The following KAT6A variants were observed in gnomAD, a reference collection of about 807,000 sequenced individuals.
The protein encoded by KAT6A is histone acetyltransferase KAT6A.
A neutral mutation model predicts 198.4 loss-of-function variants in KAT6A; 9 were observed. The observed-to-expected ratio is 0.05, with a 90% CI of 0.03 to 0.08. The LOEUF is 0.08. KAT6A is among the 10% of genes least tolerant of loss of function. KAT6A has a pLI of 1.00. For synonymous variants in KAT6A, 890 were observed against 883.0 expected, an observed-to-expected ratio of 1.01 and a Z score of -0.14; for missense variants, 2,077 against 2,509.9, an observed-to-expected ratio of 0.83 and a Z score of 3.69.
At chr8:41,946,124 C>G (rs1822372967) in intron 12 of KAT6A, among the ~76,000 whole-genome samples, 1 of 151,976 alleles carries the variant, frequency 6.6e-6, no homozygotes, top group Admixed American at 6.6e-5. Context: ...GAGACAGAGT[C>G]TTGCTCTGTG....
At position 41,941,040 on chromosome 8, in the gene KAT6A, C is replaced by A. The variant is rs1314331820; in HGVS notation, c.2841G>T (p.Trp947Cys). The A allele has an allele frequency of 8.7e-6, 14 of 1,614,146 alleles. No homozygotes were observed. The highest frequency in any genetic ancestry group is 1.1e-5 in the Non-Finnish European group (13 of 1,180,028). ...KRRLSEGVEP[W>C]RGQLKKSPEA... ...CAGGGCTTTTCTTGAGCTGTCCTCGCCAGGGCTCAACCCCCTCACTGAGTC... is the reference window on the plus strand; with the variant it reads ...CAGGGCTTTTCTTGAGCTGTCCTCGACAGGGCTCAACCCCCTCACTGAGTC... The change falls in exon 15 of 17, where the codon TGG becomes TGT. Residue 947 changes from tryptophan to cysteine, a missense_variant. Around this residue, in one of 13 missense-constraint regions of KAT6A, gnomAD observed 301 missense variants for 272.2 expected, o/e 1.11. Transcript: ENST00000265713.
chr8:41,998,625 A>T (rs1291574067), intron 2 of KAT6A, among the ~76,000 whole-genome samples: 2 of 152,234 alleles, frequency 1.3e-5, no homozygotes, highest in South Asian at 4.1e-4. Context: ...GCGTTTGTTG[A>T]AATTAAAATG....
At chr8:41,958,625 T>C (rs1587742127) in intron 8 of KAT6A, among the ~76,000 whole-genome samples, 1 of 152,314 alleles carries the variant, frequency 6.6e-6, no homozygotes, top group East Asian at 1.9e-4. Context: ...GTTTTGGAAT[T>C]CTGAATTTTT....
intron 4 of KAT6A, 136 bp from the exon 5 acceptor site, chr8:41,981,063 T>C (rs1824331496): frequency 1.5e-6 from 1 of 655,288 alleles, no homozygotes; most frequent in Non-Finnish European, 2.7e-6. Flanking sequence ...CTCACGCCTG[T>C]AATCCCAACA....
chr8:41,966,475 G>T (rs76164429), intron 8 of KAT6A, among the ~76,000 whole-genome samples: 2 of 151,910 alleles, frequency 1.3e-5, no homozygotes, highest in Non-Finnish European at 2.9e-5. Context: ...ATCTTGGAGC[G>T]TATCACTGGT....
At position 41,942,771 on chromosome 8, in the gene KAT6A, T is replaced by G. The variant is rs778628643; in HGVS notation, c.2436+22A>C. ...AAAATATATCTTCTGTCATCAAAAA[T>G]AGAGACTATTCATGCCCTTACACTG... On this transcript the variant is annotated intron_variant, in intron 14 of 16. Coordinates refer to ENST00000265713, the MANE Select transcript of KAT6A (RefSeq NM_006766.5). 1.9e-6 allele frequency: 3 copies of G among 1,610,210 alleles called. No homozygotes were observed. The Admixed American group carries it at 5.1e-5, about 27-fold the overall frequency.
chr8:41,940,494 A>T (rs1822056226), intron 15 of KAT6A, among the ~76,000 whole-genome samples: 1 of 152,162 alleles, frequency 6.6e-6, no homozygotes, highest in Admixed American at 6.5e-5. Flanking sequence ...TACATACTTT[A>T]AAAATATCTT....
At chr8:41,972,609 G>A (rs1823851317) in intron 8 of KAT6A, among the ~76,000 whole-genome samples, 1 of 152,160 alleles carries the variant, frequency 6.6e-6, no homozygotes, top group South Asian at 2.1e-4. Context: ...TAAATGACCT[G>A]TGCACTTCAA....
chr8:41,945,273 CTTT>C (rs566905953), intron 12 of KAT6A, among the ~76,000 whole-genome samples: 7 of 139,448 alleles, frequency 5.0e-5, no homozygotes, highest in African/African-American at 2.6e-5. Flanking sequence ...AGGTATAGTA[CTTT>C]TTTTTTTTTT....
chr8:41,998,383 G>C (rs1467881025), intron 2 of KAT6A, among the ~76,000 whole-genome samples: 1 of 152,076 alleles, frequency 6.6e-6, no homozygotes, highest in Non-Finnish European at 1.5e-5. Flanking sequence ...TGAGAAAGCT[G>C]AATGTTCTAA....
chr8:41,939,868 A>T (rs576673143), intron 15 of KAT6A, among the ~76,000 whole-genome samples: 2 of 152,354 alleles, frequency 1.3e-5, no homozygotes, highest in East Asian at 3.9e-4. Flanking sequence ...TTACTGATGT[A>T]TCTACACTGG....
intron 1 of KAT6A, among the ~76,000 whole-genome samples, chr8:42,051,199 G>A (rs1214469442): frequency 6.6e-6 from 1 of 152,006 alleles, no homozygotes; most frequent in Non-Finnish European, 1.5e-5. Context: ...GGGTTGCTGG[G>A]AGCCTGACAG....
chr8:42,045,320 G>A (rs910415492), intron 2 of KAT6A, among the ~76,000 whole-genome samples: 3 of 152,088 alleles, frequency 2.0e-5, no homozygotes, highest in African/African-American at 2.4e-5. Context: ...CAGCACTTTG[G>A]GAGGCCAAGG....
At chr8:41,992,433 GA>G (rs1449504577) in intron 2 of KAT6A, among the ~76,000 whole-genome samples, 1 of 152,172 alleles carries the variant, frequency 6.6e-6, no homozygotes. Context: ...AAATGTAGAA[GA>G]GAAGACAAAT....
intron 2 of KAT6A, among the ~76,000 whole-genome samples, chr8:42,030,072 G>A (rs1210848706): frequency 1.3e-5 from 2 of 152,156 alleles, no homozygotes; most frequent in African/African-American, 4.8e-5. Flanking sequence ...CGGATATGGA[G>A]ATTCAAGGGC....
intron 5 of KAT6A, among the ~76,000 whole-genome samples, chr8:41,980,209 A>C (rs1824279996): frequency 6.6e-6 from 1 of 152,176 alleles, no homozygotes; most frequent in East Asian, 1.9e-4. Flanking sequence ...TAAAGAACCT[A>C]TAAGCATATG....
rs181613952 is a variant in KAT6A at position 41,992,988 on chromosome 8, G to A, written c.601-5425C>T. 8.2e-4 allele frequency among the ~76,000 whole-genome samples: 122 copies of A among 147,910 alleles called. 1 individual carries two copies. The Middle Eastern group carries it at 0.025, about 31-fold the overall frequency. ...TGTCTTTATCATCCAGAACAAGACAGTAAAGTTTCTAACTGCAAAAAAAAT... is the reference window on the plus strand; with the variant it reads ...TGTCTTTATCATCCAGAACAAGACAATAAAGTTTCTAACTGCAAAAAAAAT... On this transcript the variant is annotated intron_variant, in intron 2 of 16. Transcript: ENST00000265713.
intron 2 of KAT6A, among the ~76,000 whole-genome samples, chr8:41,995,838 G>C: frequency 6.6e-6 from 1 of 152,132 alleles, no homozygotes; most frequent in Non-Finnish European, 1.5e-5. Flanking sequence ...ACCACACCCA[G>C]CTAATTTTGT....
chr8:42,041,207 A>C (rs555006683), intron 2 of KAT6A, among the ~76,000 whole-genome samples: 7 of 151,970 alleles, frequency 4.6e-5, no homozygotes, highest in Middle Eastern at 3.4e-3. Context: ...AAAAAAAAAA[A>C]AAAAAACTGT....
Sources: allele counts gnomAD v4.1 joint callset (sites outside exome capture counted in the v4.1 genomes callset), GRCh38; gene constraint gnomAD v4.1.1; regional missense constraint gnomAD v4.1.1; transcripts MANE v1.5; gene names NCBI Gene and HGNC (gene_info 2026-07-23, HGNC 2026-07-21).